The following SEL1L variants were observed in gnomAD, a reference collection of about 807,000 sequenced individuals.
SEL1L encodes protein sel-1 homolog 1.
In SEL1L, 52 loss-of-function variants were observed where a neutral mutation model predicts 109.8. The ratio of observed to expected loss-of-function variants is 0.47; its 90% CI spans 0.38 to 0.60. The LOEUF is 0.60. Among genes scored for constraint, SEL1L ranks in the 20% least tolerant of loss-of-function variants. The probability of loss-of-function intolerance (pLI) is 0.00; values close to 1 mark genes in which losing one functional copy is unlikely to be tolerated. For missense variants in SEL1L, 749 were observed against 962.2 expected (o/e 0.78, Z 2.93); for synonymous variants, 373 against 339.6 (o/e 1.10, Z -1.08).
Position 81,472,455 on chromosome 14 carries a change from C to G in SEL1L, c.*4517G>C, listed in dbSNP as rs1345711784. The G allele has an allele frequency of 4.5e-6, 1 of 222,620 alleles. No individual in the cohort carries two copies. Among genetic ancestry groups the G allele is most frequent in the African/African-American group, 2.4e-5 (1 of 42,362 alleles). The allele number at this position is 222,620 out of a possible 1,614,324, so 13.8% of individuals were successfully genotyped here. A position where few individuals can be genotyped will look rare whatever the true frequency, so the allele number is the denominator to read the frequency against. Reference sequence around the variant, plus strand: ...TGGGGGCCAAATTTGTAGCCCACTTCCAATTGCACTTTGTGTACATGTTCA... The same window carrying G: ...TGGGGGCCAAATTTGTAGCCCACTTGCAATTGCACTTTGTGTACATGTTCA... On this transcript the variant is annotated 3_prime_UTR_variant, in exon 21 of 21. Coordinates refer to ENST00000336735, the MANE Select transcript of SEL1L (RefSeq NM_005065.6).
At chr14:81,522,179 C>T (rs892754232) in intron 3 of SEL1L, among the ~76,000 whole-genome samples, 1 of 152,034 alleles carries the variant, frequency 6.6e-6, no homozygotes, top group African/African-American at 2.4e-5. Flanking sequence ...AAAAAAGTTA[C>T]CATAAACGAA....
At position 81,513,790 on chromosome 14, in the gene SEL1L, G is replaced by A. The variant is rs145111908; in HGVS notation, c.341-7549C>T. On this transcript the variant is annotated intron_variant, in intron 3 of 20. Coordinates refer to ENST00000336735, the MANE Select transcript of SEL1L (RefSeq NM_005065.6). ...TCTTCGGAATTGGGAGCGTTGGTTTGCCTGGAACCAGCTTCCGCTTTCCCT... is the reference window on the plus strand; with the variant it reads ...TCTTCGGAATTGGGAGCGTTGGTTTACCTGGAACCAGCTTCCGCTTTCCCT... 4.1e-3 allele frequency among the ~76,000 whole-genome samples: 625 copies of A among 152,248 alleles called. 3 individuals are homozygous for A. The highest frequency in any genetic ancestry group is 0.014 in the African/African-American group (600 of 41,554).
chr14:81,503,017 A>T, intron 5 of SEL1L, 134 bp from the exon 6 acceptor site: 1 of 706,724 alleles, frequency 1.4e-6, no homozygotes. Context: ...TTTGAGATGG[A>T]GTTTCACTCT....
At position 81,502,837 on chromosome 14, in the gene SEL1L, C is replaced by G; in HGVS notation, c.661G>C (p.Ala221Pro). 6.2e-7 allele frequency: 1 copy of G among 1,614,084 alleles called. No homozygotes were observed. The highest frequency in any genetic ancestry group is 8.5e-7 in the Non-Finnish European group (1 of 1,179,954). ...QKAASMNHTK[A>P]LERVSYALLF... ...AGAGCATATGACACTCTCTCCAGGG[C>G]TTTGGTATGGTTCATGCTTGCTGCC... Residue 221 changes from alanine to proline, a missense_variant, in exon 6 of 21, where the codon GCC becomes CCC. Ala to Pro is a conservative substitution (Grantham distance 27, BLOSUM62 -1). Transcript: ENST00000336735.
intron 3 of SEL1L, among the ~76,000 whole-genome samples, chr14:81,522,824 T>C (rs1189343949): frequency 6.6e-6 from 1 of 152,200 alleles, no homozygotes; most frequent in Non-Finnish European, 1.5e-5. Flanking sequence ...CTACTTCTAA[T>C]ACCTAATATA....
chr14:81,490,177 A>C (rs1317068981), intron 13 of SEL1L, among the ~76,000 whole-genome samples: 1 of 152,252 alleles, frequency 6.6e-6, no homozygotes, highest in Admixed American at 6.5e-5. Flanking sequence ...GAAACTTCAC[A>C]ATTAAAAATC....
At chr14:81,512,375 C>T (rs1380023383) in intron 3 of SEL1L, among the ~76,000 whole-genome samples, 2 of 152,216 alleles carry the variant, frequency 1.3e-5, no homozygotes, top group African/African-American at 4.8e-5. Context: ...CTTAACATAT[C>T]ATTGACATTC....
At chr14:81,525,074 G>C (rs1468728739) in intron 3 of SEL1L, among the ~76,000 whole-genome samples, 1 of 152,172 alleles carries the variant, frequency 6.6e-6, no homozygotes, top group Non-Finnish European at 1.5e-5. Context: ...TCTTACTAGA[G>C]AGAGACACAG....
intron 14 of SEL1L, 79 bp from the exon 15 acceptor site, chr14:81,488,021 T>A: frequency 1.8e-6 from 2 of 1,097,248 alleles, no homozygotes; most frequent in Admixed American, 2.3e-5. Flanking sequence ...TTTAAAAAAA[T>A]GAACAAAGCA....
chr14:81,515,636 C>T (rs1213174040), intron 3 of SEL1L, among the ~76,000 whole-genome samples: 2 of 152,142 alleles, frequency 1.3e-5, no homozygotes, highest in Non-Finnish European at 2.9e-5. Context: ...CAATGATGTC[C>T]ACCATAACTC....
chr14:81,518,448 T>G (rs1234897467), intron 3 of SEL1L, among the ~76,000 whole-genome samples: 2 of 151,364 alleles, frequency 1.3e-5, no homozygotes, highest in Non-Finnish European at 2.9e-5. Context: ...TCACCTGAGG[T>G]CAGGAGTTCG....
At chr14:81,485,633 T>A (rs763447872) in intron 18 of SEL1L, 39 bp downstream of exon 18, 3 of 1,519,300 alleles carry the variant, frequency 2.0e-6, no homozygotes, top group African/African-American at 2.7e-5. Flanking sequence ...CATAGGGAGG[T>A]CCCTGGGTGA....
chr14:81,502,970 T>A, intron 5 of SEL1L, 87 bp from the exon 6 acceptor site: 1 of 1,045,666 alleles, frequency 9.6e-7, no homozygotes, highest in African/African-American at 1.6e-5. Context: ...GCAACATAAA[T>A]AATTTCCTTA....
chr14:81,500,474 G>C (rs574104494), intron 6 of SEL1L, among the ~76,000 whole-genome samples: 6 of 151,912 alleles, frequency 3.9e-5, no homozygotes, highest in African/African-American at 1.4e-4. Flanking sequence ...TTGACCTTGT[G>C]ATCTGCCTGC....
intron 13 of SEL1L, 75 bp downstream of exon 13, chr14:81,490,313 T>C (rs1883488832): frequency 8.9e-7 from 1 of 1,128,408 alleles, no homozygotes; most frequent in Non-Finnish European, 1.3e-6. Flanking sequence ...TGATTAACCC[T>C]TTAATATAAC....
At chr14:81,522,257 A>G (rs749691422) in intron 3 of SEL1L, among the ~76,000 whole-genome samples, 1 of 152,210 alleles carries the variant, frequency 6.6e-6, no homozygotes, top group Non-Finnish European at 1.5e-5. Flanking sequence ...CTTGTTTATA[A>G]AAGTTTACAG....
At position 81,485,550 on chromosome 14, in the gene SEL1L, C is replaced by T. The variant is rs112733068; in HGVS notation, c.1873+122G>A. ...CAAGTGATCCTCCTGCCTTGGCTTC[C>T]GAAAGTGCTAGGGTTACAGGCGTGA... On this transcript the variant is annotated intron_variant, in intron 18 of 20. Transcript: ENST00000336735. 18,498 of 812,642 alleles carry T rather than the reference C, an allele frequency of 0.023. 2,133 individuals are homozygous for T. The African/African-American group carries it at 0.27, about 12-fold the overall frequency. 50.3% of individuals were successfully genotyped at this position (812,642 alleles called of 1,614,324 possible).
In SEL1L at chr14:81,533,778, T is replaced by C; in HGVS notation, c.-34A>G. The C allele has an allele frequency of 6.2e-7, 1 of 1,601,578 alleles. No homozygotes were observed. The highest frequency in any genetic ancestry group is 8.5e-7 in the Non-Finnish European group (1 of 1,173,130). On this transcript the variant is annotated 5_prime_UTR_variant, in exon 1 of 21. Transcript: ENST00000336735. ...CGGGGCCGGTGCCAACCCCTAGAGC[T>C]GTCGCCTTCGCCTCTGCCACCACGG... is the stretch of plus-strand genomic sequence containing the variant.
At position 81,505,213 on chromosome 14, in the gene SEL1L, T is replaced by A. The variant is rs531858228; in HGVS notation, c.508+861A>T. The stretch of plus-strand genomic sequence containing the variant: ...CTATATAATACAAGTTAGTAAAAAA[T>A]TTTTATTAAATATAGAAACTGATTT... On this transcript the variant is annotated intron_variant, in intron 4 of 20. Coordinates refer to ENST00000336735, the MANE Select transcript of SEL1L (RefSeq NM_005065.6). Among the ~76,000 whole-genome samples the A allele has an allele frequency of 3.2e-4, 48 of 152,316 alleles. 1 individual carries two copies. The South Asian group carries it at 8.9e-3, about 28-fold the overall frequency.
Sources: gnomAD v4.1 joint callset for allele counts (sites outside exome capture counted in the v4.1 genomes callset) on GRCh38, gnomAD v4.1.1 for gene constraint, MANE v1.5 for transcripts, NCBI Gene and HGNC (gene_info 2026-07-23, HGNC 2026-07-21) for gene names.